Variants in ZNF385D observed in about 807,000 individuals in gnomAD.
The protein encoded by ZNF385D is zinc finger protein 385D, also known as zinc finger protein 659.
Under a neutral mutation model 35.8 loss-of-function variants are expected in ZNF385D, and 15 were observed. The ratio of observed to expected loss-of-function variants is 0.42; its 90% CI spans 0.28 to 0.64. The LOEUF (loss-of-function observed/expected upper bound fraction) is 0.64, where lower values mean the gene tolerates loss of function less well. Among genes scored for constraint, ZNF385D ranks in the 30% least tolerant of loss-of-function variants. The pLI is 0.23. For synonymous variants in ZNF385D, 212 were observed against 186.8 expected (o/e 1.13, Z -1.10); for missense variants, 474 against 494.6 (o/e 0.96, Z 0.39).
chr3:21,621,779 T>C (rs17009167), intron 2 of ZNF385D, among the ~76,000 whole-genome samples: 6,292 of 151,774 alleles, frequency 0.041, 402 homozygotes, highest in African/African-American at 0.14. Context: ...TGGCTGCTCT[T>C]ATCACAAAAA....
intron 2 of ZNF385D, among the ~76,000 whole-genome samples, chr3:22,251,025 T>C (rs1700035712): frequency 6.6e-6 from 1 of 152,002 alleles, no homozygotes; most frequent in Admixed American, 6.6e-5. Context: ...TCAATCGCCC[T>C]TACCTCAGAA....
At chr3:21,437,721 C>CAAAAAAAAAAAAA in intron 4 of ZNF385D, among the ~76,000 whole-genome samples, 1 of 10,938 alleles carries the variant, frequency 9.1e-5, no homozygotes, top group Non-Finnish European at 2.6e-4. Flanking sequence ...AAAAAAAAAC[C>CAAAAAAAAAAAAA]GGAACCCTGA....
At position 22,092,315 on chromosome 3, in the gene ZNF385D, T is replaced by G. The variant is rs530760808; in HGVS notation, c.325+76502A>C. ...GTTTCTCTCCCAGGTTCTTTTATGC[T>G]TCTTGACGTTGGCTCCTACAACACA... On this transcript the variant is annotated intron_variant, in intron 3 of 5. Coordinates refer to the ZNF385D transcript ENST00000494108. 2.0e-5 allele frequency among the ~76,000 whole-genome samples: 3 copies of G among 152,320 alleles called. No individual in the cohort carries two copies. In the East Asian group the frequency reaches 5.8e-4, roughly 29 times the overall value.
chr3:21,830,548 C>T (rs532671041), intron 3 of ZNF385D, among the ~76,000 whole-genome samples: 1 of 152,306 alleles, frequency 6.6e-6, no homozygotes, highest in Admixed American at 6.5e-5. Context: ...GTAGCCAGGA[C>T]TGGTATGCTT....
chr3:21,446,435 GA>G (rs1702150658), intron 4 of ZNF385D, among the ~76,000 whole-genome samples: 1 of 146,078 alleles, frequency 6.8e-6, no homozygotes, highest in Non-Finnish European at 1.5e-5. Context: ...GAGAACCCTG[GA>G]AAAAAGTAGA....
At chr3:21,675,340 G>T (rs1046127304) in intron 1 of ZNF385D, among the ~76,000 whole-genome samples, 1 of 151,904 alleles carries the variant, frequency 6.6e-6, no homozygotes, top group African/African-American at 2.4e-5. Flanking sequence ...GATTCCCGTG[G>T]CATAAAAGCA....
At chr3:21,890,898 G>GT (rs1441974857) in intron 3 of ZNF385D, among the ~76,000 whole-genome samples, 1 of 152,106 alleles carries the variant, frequency 6.6e-6, no homozygotes, top group Non-Finnish European at 1.5e-5. Flanking sequence ...TACGATTTTT[G>GT]TTTTTATAAT....
intron 3 of ZNF385D, among the ~76,000 whole-genome samples, chr3:21,760,104 T>A (rs148848310): frequency 6.6e-6 from 1 of 152,296 alleles, no homozygotes; most frequent in African/African-American, 2.4e-5. Flanking sequence ...CTTTTCATTA[T>A]CTCTCAATCT....
intron 2 of ZNF385D, among the ~76,000 whole-genome samples, chr3:21,594,352 T>G (rs942558230): frequency 1.4e-4 from 22 of 152,198 alleles, no homozygotes; most frequent in African/African-American, 4.3e-4. Flanking sequence ...AAGCTGACTC[T>G]GAGACAAAGA....
At chr3:22,358,607 T>G (rs748336665) in intron 2 of ZNF385D, among the ~76,000 whole-genome samples, 15 of 151,674 alleles carry the variant, frequency 9.9e-5, no homozygotes, top group Non-Finnish European at 2.1e-4. Flanking sequence ...CCTTTTGAGA[T>G]GAGGAGATTT....
At chr3:22,267,599 T>G (rs1475045877) in intron 2 of ZNF385D, among the ~76,000 whole-genome samples, 3 of 151,904 alleles carry the variant, frequency 2.0e-5, no homozygotes, top group African/African-American at 4.8e-5. Flanking sequence ...AATATCGAAA[T>G]AAAATTCCCT....
chr3:21,584,774 T>C (rs1559432484), intron 2 of ZNF385D, among the ~76,000 whole-genome samples: 1 of 152,186 alleles, frequency 6.6e-6, no homozygotes. Context: ...GGTCCCATGC[T>C]TTCTGCCTTA....
chr3:21,663,907 ATATATATATATT>A (rs1328388468), intron 2 of ZNF385D, among the ~76,000 whole-genome samples: 3 of 121,638 alleles, frequency 2.5e-5, no homozygotes, highest in African/African-American at 9.4e-5. Flanking sequence ...ATATATATAT[ATATATATATATT>A]TATTTATTTA....
At chr3:21,929,114 A>C (rs1274235093) in intron 3 of ZNF385D, among the ~76,000 whole-genome samples, 1 of 152,146 alleles carries the variant, frequency 6.6e-6, no homozygotes, top group Non-Finnish European at 1.5e-5. Context: ...ACATATAAAT[A>C]GGATTATATA....
chr3:22,328,505 C>T (rs1694778033), intron 2 of ZNF385D, among the ~76,000 whole-genome samples: 1 of 152,154 alleles, frequency 6.6e-6, no homozygotes. Flanking sequence ...TGGCTCATGC[C>T]TCTAATCCCA....
At chr3:21,609,117 C>T (rs2064589024) in intron 2 of ZNF385D, among the ~76,000 whole-genome samples, 2 of 152,166 alleles carry the variant, frequency 1.3e-5, no homozygotes, top group Admixed American at 1.3e-4. Flanking sequence ...ACTTCTTTTT[C>T]TGCCCCATAT....
intron 3 of ZNF385D, among the ~76,000 whole-genome samples, chr3:21,995,856 G>C (rs1695432530): frequency 6.6e-6 from 1 of 151,930 alleles, no homozygotes; most frequent in South Asian, 2.1e-4. Flanking sequence ...AAGCTCTAGT[G>C]GGGATACACT....
chr3:22,163,071 G>T (rs28623304), intron 3 of ZNF385D, among the ~76,000 whole-genome samples: 51,951 of 151,912 alleles, frequency 0.34, 9,093 homozygotes, highest in Middle Eastern at 0.49. Context: ...CCACTTTTGA[G>T]GCAAGGAGCT....
intron 2 of ZNF385D, among the ~76,000 whole-genome samples, chr3:21,634,631 G>C (rs2065376292): frequency 6.6e-6 from 1 of 151,766 alleles, no homozygotes. Flanking sequence ...AGGACATAAA[G>C]GTTAAGTAAC....
Sources: allele counts gnomAD v4.1 joint callset (sites outside exome capture counted in the v4.1 genomes callset), GRCh38; gene constraint gnomAD v4.1.1; transcripts MANE v1.5; gene names NCBI Gene and HGNC (gene_info 2026-07-23, HGNC 2026-07-21).